Variants in SPAG1 observed in about 807,000 individuals in gnomAD.
The protein encoded by SPAG1 is sperm-associated antigen 1.
A neutral mutation model predicts 100.5 loss-of-function variants in SPAG1; 69 were observed. The ratio of observed to expected loss-of-function variants is 0.69; its 90% confidence interval spans 0.57 to 0.84. The LOEUF (loss-of-function observed/expected upper bound fraction) is 0.84, where lower values mean the gene tolerates loss of function less well. SPAG1 is among the 40% of genes least tolerant of loss of function. The pLI is 0.00. For missense variants in SPAG1, 955 were observed against 1,133.1 expected (o/e 0.84, Z 2.26); for synonymous variants, 336 against 411.6 (o/e 0.82, Z 2.22).
At chr8:100,204,693 C>T (rs1278933993) in intron 10 of SPAG1, among the ~76,000 whole-genome samples, 6 of 152,120 alleles carry the variant, frequency 3.9e-5, no homozygotes, top group Non-Finnish European at 7.3e-5. Flanking sequence ...ACTGACTCAT[C>T]CCAGCTGGGA....
intron 10 of SPAG1, among the ~76,000 whole-genome samples, chr8:100,207,746 G>T (rs957909405): frequency 6.6e-6 from 1 of 152,202 alleles, no homozygotes; most frequent in African/African-American, 2.4e-5. Context: ...ACACGGCATT[G>T]CCTTTGACCA....
intron 14 of SPAG1, among the ~76,000 whole-genome samples, chr8:100,230,627 T>C (rs954746758): frequency 6.6e-6 from 1 of 152,186 alleles, no homozygotes; most frequent in Non-Finnish European, 1.5e-5. Context: ...ACTTGTATCT[T>C]ATTTTATTTT....
At chr8:100,193,802 C>T (rs1329110905) in intron 9 of SPAG1, among the ~76,000 whole-genome samples, 2 of 152,134 alleles carry the variant, frequency 1.3e-5, no homozygotes, top group East Asian at 1.9e-4. Flanking sequence ...TTGTGTAAAA[C>T]TGTACATCTC....
intron 3 of SPAG1, among the ~76,000 whole-genome samples, chr8:100,174,133 C>A (rs1045282319): frequency 3.9e-5 from 6 of 152,262 alleles, no homozygotes; most frequent in Admixed American, 2.0e-4. Flanking sequence ...AATCTACTTA[C>A]AACTTTTGAC....
intron 13 of SPAG1, among the ~76,000 whole-genome samples, chr8:100,220,955 C>G (rs1435544685): frequency 2.0e-5 from 3 of 151,968 alleles, no homozygotes; most frequent in Non-Finnish European, 4.4e-5. Flanking sequence ...CGCCTGTAAT[C>G]CCAGCTACTC....
intron 3 of SPAG1, among the ~76,000 whole-genome samples, chr8:100,166,266 CT>C (rs982058255): frequency 1.4e-4 from 21 of 148,160 alleles, no homozygotes; most frequent in African/African-American, 1.7e-4. Context: ...AATTTTTTTT[CT>C]TTTTTTTTTG....
intron 10 of SPAG1, among the ~76,000 whole-genome samples, chr8:100,200,272 G>T (rs1268044240): frequency 6.6e-6 from 1 of 152,188 alleles, no homozygotes; most frequent in African/African-American, 2.4e-5. Flanking sequence ...CAAAGGACAT[G>T]AACTCATCCT....
intron 10 of SPAG1, among the ~76,000 whole-genome samples, chr8:100,210,596 CTG>C (rs779840254): frequency 2.2e-4 from 34 of 152,290 alleles, no homozygotes; most frequent in Non-Finnish European, 4.1e-4. Flanking sequence ...TGTGCCTACA[CTG>C]TAGATTTTTC....
rs2453664 is a variant in SPAG1 at position 100,193,947 on chromosome 8, T to G, written c.940-165T>G. Among the ~76,000 whole-genome samples, 94,583 of 151,274 alleles carry G rather than the reference T, an allele frequency of 0.63. 29,856 individuals are homozygous for G. Among genetic ancestry groups the G allele is most frequent in the African/African-American group, 0.71 (29,513 of 41,308 alleles). ...TACACCGCTTTTTGTGTGTGTGTGT[T>G]TTTTTTTTACAGTGGACATCTATGA... On this transcript the variant is annotated intron_variant, in intron 9 of 18. Transcript: ENST00000388798.
chr8:100,227,966 T>G lies in SPAG1; in HGVS notation c.1855+2627T>G, dbSNP rs559190029. Among the ~76,000 whole-genome samples the G allele has an allele frequency of 3.3e-5, 5 of 150,628 alleles. No homozygotes were observed. In the East Asian group the frequency reaches 9.9e-4, roughly 30 times the overall value. On this transcript the variant is annotated intron_variant, in intron 14 of 18. Coordinates refer to ENST00000388798, the MANE Select transcript of SPAG1 (RefSeq NM_003114.5). Reference sequence around the variant, plus strand: ...GGTTCAGGCAGTCTTCCCACCTCAGTCCTGAGTAGCTGGGACTACAGGTGT... The same window carrying G: ...GGTTCAGGCAGTCTTCCCACCTCAGGCCTGAGTAGCTGGGACTACAGGTGT...
chr8:100,206,760 G>C (rs1817534103), intron 10 of SPAG1, among the ~76,000 whole-genome samples: 1 of 152,208 alleles, frequency 6.6e-6, no homozygotes, highest in Non-Finnish European at 1.5e-5. Flanking sequence ...GGCCTATTTG[G>C]ATTTTCGAGG....
In SPAG1 at chr8:100,241,010, G is replaced by A. The variant is rs768865173; in HGVS notation, c.2769G>A (p.Gln923=). The change falls in exon 19 of 19, where the codon CAG becomes CAA. Residue 923 remains glutamine, a synonymous_variant. Transcript: ENST00000388798. The surrounding 1 kb of genome is among the most constrained non-coding windows in gnomAD (Gnocchi z 5.1). ...TLEDIQALKR[Q]YEL The stretch of plus-strand genomic sequence containing the variant: ...AAGATATACAGGCCCTAAAAAGGCA[G>A]TATGAGCTTTAAATCAAGATAATTG... 125 of 1,611,368 alleles carry A rather than the reference G, an allele frequency of 7.8e-5. No homozygotes were observed. The highest frequency in any genetic ancestry group is 5.9e-4 in the Admixed American group (35 of 59,364).
intron 8 of SPAG1, among the ~76,000 whole-genome samples, chr8:100,189,506 A>G (rs1376047151): frequency 1.3e-5 from 2 of 151,294 alleles, no homozygotes; most frequent in African/African-American, 4.9e-5. Flanking sequence ...TTTAAAAAAA[A>G]TTACTAGACA....
intron 8 of SPAG1, among the ~76,000 whole-genome samples, chr8:100,188,694 A>G (rs898489864): frequency 1.3e-5 from 2 of 152,244 alleles, no homozygotes; most frequent in Non-Finnish European, 2.9e-5. Flanking sequence ...TATAATAGAC[A>G]CATTATATTT....
chr8:100,200,863 G>A (rs1426786623), intron 10 of SPAG1, among the ~76,000 whole-genome samples: 4 of 152,050 alleles, frequency 2.6e-5, no homozygotes, highest in Admixed American at 6.5e-5. Flanking sequence ...TGTCAGATGA[G>A]TAGATTGCAA....
chr8:100,223,824 A>T (rs1186176373), intron 13 of SPAG1, among the ~76,000 whole-genome samples: 1 of 151,990 alleles, frequency 6.6e-6, no homozygotes, highest in African/African-American at 2.4e-5. Flanking sequence ...GGGTGGTTAT[A>T]CATTAATTTA....
chr8:100,172,634 ATGTGTGTGTGTG>A (rs60155004), intron 3 of SPAG1, among the ~76,000 whole-genome samples: 3 of 145,462 alleles, frequency 2.1e-5, no homozygotes, highest in Admixed American at 2.0e-4. Flanking sequence ...AAAGAAATAT[ATGTGTGTGTGTG>A]TGTGTGTGTG....
At chr8:100,202,354 CAAAA>C (rs1172438957) in intron 10 of SPAG1, among the ~76,000 whole-genome samples, 1 of 147,504 alleles carries the variant, frequency 6.8e-6, no homozygotes, top group Non-Finnish European at 1.5e-5. Context: ...AAAAAAAAAA[CAAAA>C]AACAAAACAA....
intron 2 of SPAG1, among the ~76,000 whole-genome samples, chr8:100,163,932 G>A (rs1442140586): frequency 6.6e-6 from 1 of 152,138 alleles, no homozygotes; most frequent in African/African-American, 2.4e-5. Flanking sequence ...GCCTAATTCA[G>A]TGATAATATA....
Sources: allele counts gnomAD v4.1 joint callset (sites outside exome capture counted in the v4.1 genomes callset), GRCh38; gene constraint gnomAD v4.1.1; non-coding constraint Gnocchi (gnomAD v3.1); transcripts MANE v1.5; gene names NCBI Gene and HGNC (gene_info 2026-07-23, HGNC 2026-07-21).